BCL7A: variants seen among roughly 807,000 people sequenced by gnomAD.
BCL7A encodes the protein BAF chromatin remodeling complex subunit BCL7A.
Under a neutral mutation model 28.4 loss-of-function variants are expected in BCL7A, and 11 were observed. The ratio of observed to expected loss-of-function variants is 0.39; its 90% CI spans 0.24 to 0.64. The LOEUF is 0.64. Among genes scored for constraint, BCL7A ranks in the 30% least tolerant of loss-of-function variants. The pLI, the probability that BCL7A is intolerant of heterozygous loss-of-function variation, is 0.50. For missense variants in BCL7A, 222 were observed against 274.8 expected (o/e 0.81, Z 1.36); for synonymous variants, 123 against 103.3 (o/e 1.19, Z -1.15).
At chr12:122,057,378 C>G (rs1376844024) in intron 5 of BCL7A, among the ~76,000 whole-genome samples, 1 of 152,162 alleles carries the variant, frequency 6.6e-6, no homozygotes, top group Non-Finnish European at 1.5e-5. Context: ...CCTTCTTGGT[C>G]CTGGTGAGGA....
At chr12:122,027,273 G>C (rs1039801556) in intron 1 of BCL7A, among the ~76,000 whole-genome samples, 1 of 152,208 alleles carries the variant, frequency 6.6e-6, no homozygotes, top group Non-Finnish European at 1.5e-5. Flanking sequence ...AGCCTGTTTT[G>C]TTGTTTGTTT....
At position 122,059,313 on chromosome 12, in the gene BCL7A, C is replaced by T. The variant is rs1037563092; in HGVS notation, c.*150C>T. The T allele has an allele frequency of 7.4e-6, 5 of 676,144 alleles. No homozygotes were observed. Among genetic ancestry groups the T allele is most frequent in the South Asian group, 1.9e-5 (1 of 52,020 alleles). 41.9% of individuals were successfully genotyped at this position (676,144 alleles called of 1,614,324 possible). A position where few individuals can be genotyped will look rare whatever the true frequency, so the allele number is the denominator to read the frequency against. ...AGTGCAAATCCAAGAAGACCCAGAA[C>T]GGCGTCACTTCTCAGACACTGAAGA... On this transcript the variant is annotated 3_prime_UTR_variant, in exon 6 of 6. Transcript: ENST00000261822. This position sits in a 1 kb window ranked among gnomAD's most constrained non-coding sequence, Gnocchi z 4.0.
At position 122,022,038 on chromosome 12, in the gene BCL7A, C is replaced by A; in HGVS notation, c.-54C>A. ...GGGCGCGAGTGTGGCCGCCGCGGAG[C>A]GCGAGCAGGACCCGGCGGGCGCGCT... On this transcript the variant is annotated 5_prime_UTR_variant, in exon 1 of 6. Coordinates refer to ENST00000261822, the MANE Select transcript of BCL7A (RefSeq NM_001024808.3). The A allele has an allele frequency of 6.7e-7, 1 of 1,482,480 alleles. No individual in the cohort carries two copies. The highest frequency in any genetic ancestry group is 1.2e-5 in the South Asian group (1 of 82,694). 91.8% of individuals were successfully genotyped at this position (1,482,480 alleles called of 1,614,324 possible).
At chr12:122,038,955 A>C (rs1461690489) in intron 3 of BCL7A, among the ~76,000 whole-genome samples, 1 of 152,032 alleles carries the variant, frequency 6.6e-6, no homozygotes, top group Admixed American at 6.6e-5. Flanking sequence ...TAGGAGGATC[A>C]CTTGAGCCCA....
rs1240119043 is a variant in BCL7A, at chr12:122,054,940, G to A, written c.561+14G>A. On this transcript the variant is annotated intron_variant, in intron 5 of 5. Transcript: ENST00000261822. ...GCAATCTCTCAGGTACCTCGCTCGA[G>A]GTCTCAGAGGGGCAGCCAGATCGGC... The A allele has an allele frequency of 1.2e-6, 2 of 1,614,208 alleles. No individual in the cohort carries two copies. Among genetic ancestry groups the A allele is most frequent in the South Asian group, 1.1e-5 (1 of 91,074 alleles).
At chr12:122,023,063 T>C (rs1593019651) in intron 1 of BCL7A, among the ~76,000 whole-genome samples, 1 of 152,164 alleles carries the variant, frequency 6.6e-6, no homozygotes, top group Admixed American at 6.5e-5. Context: ...CCGCGCGTGG[T>C]TTTCGGGATC....
intron 4 of BCL7A, among the ~76,000 whole-genome samples, chr12:122,046,486 G>T (rs997761756): frequency 6.6e-6 from 1 of 152,158 alleles, no homozygotes; most frequent in Non-Finnish European, 1.5e-5. Context: ...CTGGGCTGGC[G>T]CCAGGGCCCC....
At chr12:122,036,241 T>C (rs992669224) in intron 3 of BCL7A, among the ~76,000 whole-genome samples, 1 of 152,126 alleles carries the variant, frequency 6.6e-6, no homozygotes, top group Non-Finnish European at 1.5e-5. Context: ...TTTCAAATGT[T>C]GTAACTTAGC....
At chr12:122,037,814 G>T (rs59586951) in intron 3 of BCL7A, among the ~76,000 whole-genome samples, 69,018 of 151,986 alleles carry the variant, frequency 0.45, 17,955 homozygotes, top group African/African-American at 0.7. Context: ...CCAGGCGTGG[G>T]GGCGCGTGCC....
In BCL7A at chr12:122,029,252, G is replaced by A. The variant is rs745652577; in HGVS notation, c.93-1448G>A. Among the ~76,000 whole-genome samples the A allele has an allele frequency of 8.5e-5, 13 of 152,210 alleles. No individual in the cohort carries two copies. Among genetic ancestry groups the A allele is most frequent in the South Asian group, 2.1e-4 (1 of 4,832 alleles). ...CTGGTATAATAAGAAAAGCCGGGCCGTAGCGTCCTCTGATGGAACACGTGG... is the reference window on the plus strand; with the variant it reads ...CTGGTATAATAAGAAAAGCCGGGCCATAGCGTCCTCTGATGGAACACGTGG... On this transcript the variant is annotated intron_variant, in intron 1 of 5. Transcript: ENST00000261822. This position sits in a 1 kb window ranked among gnomAD's most constrained non-coding sequence, Gnocchi z 4.3.
At chr12:122,054,588 C>G (rs540634285) in intron 4 of BCL7A, among the ~76,000 whole-genome samples, 1 of 152,286 alleles carries the variant, frequency 6.6e-6, no homozygotes, top group African/African-American at 2.4e-5. Flanking sequence ...GAGAGGGTTG[C>G]AGACGCCAGG....
Position 122,038,459 on chromosome 12 carries a change from A to AT in BCL7A, c.271+3032_271+3033insT, listed in dbSNP as rs1593028061. On this transcript the variant is annotated intron_variant, in intron 3 of 5. Coordinates refer to ENST00000261822, the MANE Select transcript of BCL7A (RefSeq NM_001024808.3). ...AAAAAAAAAAAAAAAAAAAAAAAAAAGAGCAGTGGGGCTTTGTTGCTGGTT... is the reference window on the plus strand; with the variant it reads ...AAAAAAAAAAAAAAAAAAAAAAAAAATGAGCAGTGGGGCTTTGTTGCTGGTT... 2.0e-5 allele frequency among the ~76,000 whole-genome samples: 3 copies of AT among 149,672 alleles called. No homozygotes were observed. The East Asian group carries it at 6.0e-4, about 30-fold the overall frequency.
At chr12:122,058,955 C>T (rs955607212) in intron 5 of BCL7A, 137 bp from the exon 6 acceptor site, 11 of 661,762 alleles carry the variant, frequency 1.7e-5, no homozygotes, top group East Asian at 1.6e-4. Context: ...GCTTGGGCCT[C>T]GGGTCTGGAA....
chr12:122,047,299 G>A (rs548766670), intron 4 of BCL7A, among the ~76,000 whole-genome samples: 8 of 150,836 alleles, frequency 5.3e-5, no homozygotes, highest in African/African-American at 1.9e-4. Context: ...TGAGGCGGGC[G>A]GATCACAAGG....
chr12:122,021,930 ATGTGTG>A lies in BCL7A; in HGVS notation c.-139_-134del, dbSNP rs1054142046. 1.9e-4 allele frequency: 72 copies of A among 388,252 alleles called. 1 individual carries two copies. The highest frequency in any genetic ancestry group is 4.8e-4 in the African/African-American group (20 of 41,338). The allele number at this position is 388,252 out of a possible 1,614,324, so 24.1% of individuals were successfully genotyped here. On this transcript the variant is annotated 5_prime_UTR_variant, in exon 1 of 6. An upstream open reading frame in the 5' UTR gains an earlier in-frame stop. Transcript: ENST00000261822. ...GGCCCCGGGCTTTGTGTGTGTGTGT[ATGTGTG>A]TGTGTGTGTGTGTGTGTGTGTGAGT...
intron 4 of BCL7A, among the ~76,000 whole-genome samples, chr12:122,046,742 AC>A (rs1884084097): frequency 6.6e-6 from 1 of 152,200 alleles, no homozygotes; most frequent in Non-Finnish European, 1.5e-5. Context: ...CTTTGACAAT[AC>A]CGGGCCTGCT....
At chr12:122,057,478 A>G (rs555531850) in intron 5 of BCL7A, among the ~76,000 whole-genome samples, 16 of 152,264 alleles carry the variant, frequency 1.1e-4, no homozygotes, top group Non-Finnish European at 2.2e-4. Context: ...TGCTGGGGCC[A>G]TCCTGTTGGC....
chr12:122,045,263 T>C (rs1007055830), intron 4 of BCL7A, among the ~76,000 whole-genome samples: 7 of 152,008 alleles, frequency 4.6e-5, no homozygotes, highest in South Asian at 4.2e-4. Context: ...TGCCTGTAAT[T>C]CCAGCTAGTC....
At chr12:122,056,304 G>A (rs73417621) in intron 5 of BCL7A, among the ~76,000 whole-genome samples, 5,667 of 151,748 alleles carry the variant, frequency 0.037, 333 homozygotes, top group African/African-American at 0.13. Context: ...ATGCTCCCCC[G>A]CAGTACCTGG....
Sources: allele counts gnomAD v4.1 joint callset (sites outside exome capture counted in the v4.1 genomes callset), GRCh38; gene constraint gnomAD v4.1.1; non-coding constraint Gnocchi (gnomAD v3.1); transcripts MANE v1.5; gene names NCBI Gene and HGNC (gene_info 2026-07-23, HGNC 2026-07-21).